GRXCR2: variants seen among roughly 807,000 people sequenced by gnomAD.
GRXCR2 encodes glutaredoxin domain-containing cysteine-rich protein 2.
A neutral mutation model predicts 24.8 loss-of-function variants in GRXCR2; 23 were observed. The observed-to-expected ratio is 0.93, with a 90% CI of 0.67 to 1.32. The LOEUF is 1.32. GRXCR2 is among the 40% of genes most tolerant of loss of function. The probability of loss-of-function intolerance (pLI) is 0.00; values close to 1 mark genes in which losing one functional copy is unlikely to be tolerated. For synonymous variants in GRXCR2, 130 were observed against 116.1 expected, an observed-to-expected ratio of 1.12 and a Z score of -0.77; for missense variants, 315 against 303.4, an observed-to-expected ratio of 1.04 and a Z score of -0.28.
chr5:145,878,106 G>A (rs186046696), intron 2 of GRXCR2, among the ~76,000 whole-genome samples: 3,246 of 152,280 alleles, frequency 0.021, 108 homozygotes, highest in African/African-American at 0.073. Flanking sequence ...GAGCAGAAAA[G>A]CTGAAAATTC....
chr5:145,858,325 A>AAAAG (rs1382019185), downstream of GRXCR2, among the ~76,000 whole-genome samples: 1 of 151,632 alleles, frequency 6.6e-6, no homozygotes, highest in African/African-American at 2.4e-5. Context: ...ACAAAAAAAA[A>AAAAG]AAAAAAAAGC....
At chr5:145,927,198 T>C (rs1331054362) in intron 2 of GRXCR2, among the ~76,000 whole-genome samples, 1 of 152,180 alleles carries the variant, frequency 6.6e-6, no homozygotes, top group Non-Finnish European at 1.5e-5. Context: ...ACTTCCTCTT[T>C]TCCTAATTGA....
chr5:145,897,012 T>C (rs561753864), intron 2 of GRXCR2, among the ~76,000 whole-genome samples: 125 of 151,778 alleles, frequency 8.2e-4, no homozygotes, highest in African/African-American at 2.8e-3. Context: ...GAAACCATCA[T>C]TCTCAGCAAA....
chr5:145,930,622 T>A (rs1278337949), intron 2 of GRXCR2, among the ~76,000 whole-genome samples: 3 of 152,156 alleles, frequency 2.0e-5, no homozygotes, highest in African/African-American at 7.2e-5. Context: ...GCAAAAGGCA[T>A]AAAGATAAAA....
chr5:145,906,472 G>A (rs578069248), intron 2 of GRXCR2, among the ~76,000 whole-genome samples: 1 of 152,332 alleles, frequency 6.6e-6, no homozygotes, highest in South Asian at 2.1e-4. Flanking sequence ...AAAGAAATTA[G>A]AGACAGCAGA....
intron 2 of GRXCR2, among the ~76,000 whole-genome samples, chr5:145,881,540 T>C (rs1230038297): frequency 6.6e-6 from 1 of 152,164 alleles, no homozygotes; most frequent in African/African-American, 2.4e-5. Context: ...TACAAACAAA[T>C]GGAAGAACAT....
chr5:145,889,155 C>T lies in GRXCR2; in HGVS notation c.-69-22427G>A, dbSNP rs114124349. ...CTCCAGCTTGAGCTGGGTGACAGAC[C>T]GAGACTCTGTCTCAAAAAAAGAAAG... On this transcript the variant is annotated intron_variant, in intron 2 of 3. Coordinates refer to the GRXCR2 transcript ENST00000639411. Among the ~76,000 whole-genome samples, 393 of 122,084 alleles carry T rather than the reference C, an allele frequency of 3.2e-3. 5 individuals are homozygous for T. Among genetic ancestry groups the T allele is most frequent in the African/African-American group, 0.012 (385 of 31,876 alleles). 80.1% of individuals were successfully genotyped at this position (122,084 alleles called of 152,430 possible). A position where few individuals can be genotyped will look rare whatever the true frequency, so the allele number is the denominator to read the frequency against.
intron 2 of GRXCR2, among the ~76,000 whole-genome samples, chr5:145,923,250 A>G (rs1757351104): frequency 6.6e-6 from 1 of 152,202 alleles, no homozygotes; most frequent in Non-Finnish European, 1.5e-5. Flanking sequence ...TTTACATATA[A>G]TAAGTGTCAT....
At chr5:145,910,616 C>T (rs916543068) in intron 2 of GRXCR2, among the ~76,000 whole-genome samples, 3 of 152,064 alleles carry the variant, frequency 2.0e-5, no homozygotes, top group African/African-American at 7.2e-5. Context: ...TCCACTATTT[C>T]AATGTCTGAG....
At chr5:145,926,702 G>A (rs1757402590) in intron 2 of GRXCR2, among the ~76,000 whole-genome samples, 1 of 152,172 alleles carries the variant, frequency 6.6e-6, no homozygotes, top group African/African-American at 2.4e-5. Flanking sequence ...GATTGACTTG[G>A]CAATGCAGGC....
chr5:145,902,094 C>A (rs1006852819), intron 2 of GRXCR2, among the ~76,000 whole-genome samples: 84 of 152,004 alleles, frequency 5.5e-4, no homozygotes, highest in African/African-American at 2.0e-3. Context: ...CTGATATAAC[C>A]AGTCTTCTTT....
At chr5:145,891,746 A>G (rs1463226136) in intron 2 of GRXCR2, among the ~76,000 whole-genome samples, 3 of 152,216 alleles carry the variant, frequency 2.0e-5, no homozygotes, top group Non-Finnish European at 2.9e-5. Flanking sequence ...ACACCTCTGC[A>G]GAATTAAATG....
chr5:145,893,464 A>C (rs1756901276), intron 2 of GRXCR2, among the ~76,000 whole-genome samples: 1 of 152,178 alleles, frequency 6.6e-6, no homozygotes. Context: ...GAAAACAAAA[A>C]AAGGCAGGGG....
upstream of GRXCR2, among the ~76,000 whole-genome samples, chr5:145,874,207 T>A (rs1008170409): frequency 1.1e-3 from 160 of 149,146 alleles, no homozygotes; most frequent in African/African-American, 3.7e-3. Flanking sequence ...TTATTTTATT[T>A]TATTTTTTTT....
chr5:145,910,204 G>A (rs951602678), intron 2 of GRXCR2, among the ~76,000 whole-genome samples: 9 of 152,190 alleles, frequency 5.9e-5, no homozygotes, highest in Admixed American at 1.3e-4. Context: ...AACTACATGA[G>A]TAGGCTGAAA....
At chr5:145,879,113 T>G (rs910431508) in intron 2 of GRXCR2, among the ~76,000 whole-genome samples, 1 of 152,070 alleles carries the variant, frequency 6.6e-6, no homozygotes, top group Non-Finnish European at 1.5e-5. Context: ...AGACCATCAA[T>G]GCTATGAAGA....
chr5:145,912,827 A>C (rs538550957), intron 2 of GRXCR2, among the ~76,000 whole-genome samples: 1 of 152,256 alleles, frequency 6.6e-6, no homozygotes, highest in African/African-American at 2.4e-5. Flanking sequence ...GGCAGCTTGG[A>C]CAAGCAGAGA....
rs1554107328 is a variant in GRXCR2, at chr5:145,929,198, C to CATATATAT, written c.-70+6502_-70+6503insATATATAT. On this transcript the variant is annotated intron_variant, in intron 2 of 3. Transcript: ENST00000639411. ...TTTTAATAGTTGTATAATATTCCCC[C>CATATATAT]CTATATATATATATATATATATATA... 1.4e-3 allele frequency among the ~76,000 whole-genome samples: 127 copies of CATATATAT among 88,386 alleles called. 17 individuals are homozygous for CATATATAT. The East Asian group carries it at 0.027, about 18-fold the overall frequency. 58.0% of individuals were successfully genotyped at this position (88,386 alleles called of 152,430 possible).
intron 2 of GRXCR2, among the ~76,000 whole-genome samples, chr5:145,898,951 G>A (rs918762809): frequency 8.5e-5 from 13 of 152,080 alleles, no homozygotes; most frequent in Non-Finnish European, 1.6e-4. Flanking sequence ...CATCGAAATA[G>A]GAAGACAGAA....
Sources: allele counts gnomAD v4.1 joint callset (sites outside exome capture counted in the v4.1 genomes callset), GRCh38; gene constraint gnomAD v4.1.1; transcripts MANE v1.5; gene names NCBI Gene and HGNC (gene_info 2026-07-23, HGNC 2026-07-21).